The following CADPS2 variants were observed in gnomAD, a reference collection of about 807,000 sequenced individuals.
CADPS2 encodes the protein calcium dependent secretion activator 2.
A neutral mutation model predicts 172.5 loss-of-function variants in CADPS2; 93 were observed. That is an observed-to-expected ratio of 0.54 (90% CI 0.46 to 0.64). The LOEUF is 0.64. Ranked by LOEUF, CADPS2 falls within the 30% of genes least tolerant of loss-of-function variation. The pLI is 0.00. For missense variants in CADPS2, 1,420 were observed against 1,565.9 expected (o/e 0.91, Z 1.57); for synonymous variants, 546 against 555.2 (o/e 0.98, Z 0.23).
At chr7:122,416,739 G>T (rs1035617155) in intron 17 of CADPS2, among the ~76,000 whole-genome samples, 1 of 152,174 alleles carries the variant, frequency 6.6e-6, no homozygotes, top group East Asian at 1.9e-4. Context: ...AGGGGGTTGT[G>T]GGGGAGGAAG....
chr7:122,375,673 T>C (rs1021162082), intron 25 of CADPS2, among the ~76,000 whole-genome samples: 7 of 151,854 alleles, frequency 4.6e-5, no homozygotes, highest in Non-Finnish European at 7.4e-5. Flanking sequence ...GAATAAAACA[T>C]AGGGAAAAAG....
intron 17 of CADPS2, among the ~76,000 whole-genome samples, chr7:122,417,806 A>G (rs992465250): frequency 2.0e-5 from 3 of 152,318 alleles, no homozygotes; most frequent in African/African-American, 7.2e-5. Context: ...AGCCTGAAAC[A>G]TGGTCTTAGA....
intron 25 of CADPS2, among the ~76,000 whole-genome samples, chr7:122,366,610 TAC>T (rs200926726): frequency 0.065 from 8,247 of 126,034 alleles, 502 homozygotes; most frequent in African/African-American, 0.16. Flanking sequence ...ATCTCAAAAA[TAC>T]ACACACACAC....
intron 29 of CADPS2, among the ~76,000 whole-genome samples, chr7:122,323,259 G>A (rs1393447687): frequency 6.6e-6 from 1 of 152,022 alleles, no homozygotes; most frequent in Non-Finnish European, 1.5e-5. Context: ...GAACACATTG[G>A]CTAAGCCTGG....
intron 8 of CADPS2, among the ~76,000 whole-genome samples, chr7:122,542,072 G>A (rs919422240): frequency 3.3e-5 from 5 of 151,704 alleles, no homozygotes; most frequent in Non-Finnish European, 5.9e-5. Context: ...CAACGTGCCA[G>A]GCAATGTTTT....
intron 1 of CADPS2, among the ~76,000 whole-genome samples, chr7:122,748,933 C>A (rs774208838): frequency 2.0e-5 from 3 of 152,022 alleles, no homozygotes; most frequent in Non-Finnish European, 4.4e-5. Flanking sequence ...AAGAGAATTC[C>A]AGAGTTAGTT....
At chr7:122,332,048 G>A (rs1348237176) in intron 28 of CADPS2, 1 of 152,200 alleles carries the variant, frequency 6.6e-6, no homozygotes, top group Non-Finnish European at 1.5e-5. Flanking sequence ...TGCACAAATA[G>A]AGAAGGTACC....
At chr7:122,351,703 T>G (rs1164047501) in intron 27 of CADPS2, among the ~76,000 whole-genome samples, 1 of 152,076 alleles carries the variant, frequency 6.6e-6, no homozygotes, top group Non-Finnish European at 1.5e-5. Context: ...GTTACTTGAG[T>G]ATAGTTGGTA....
At position 122,441,517 on chromosome 7, in the gene CADPS2, C is replaced by T; in HGVS notation, c.2347G>A (p.Glu783Lys). ...GALKATLSLLERVLMKDIATP... is the reference protein window; with the variant it reads ...GALKATLSLLKRVLMKDIATP... ...AAAGTAATGTTCAAACATACCCTTT[C>T]AAGTAATGAAAGTGTAGCTTTTAGA... The change falls in exon 16 of 30, where the codon GAA (glutamate) becomes AAA (lysine). Residue 783 changes from glutamate to lysine, a missense_variant. By Grantham distance (56) the Glu-to-Lys change is moderately conservative (BLOSUM62 1). Coordinates refer to ENST00000449022, the MANE Select transcript of CADPS2 (RefSeq NM_017954.11). The T allele has an allele frequency of 6.5e-7, 1 of 1,528,706 alleles. No individual in the cohort carries two copies. 94.7% of individuals were successfully genotyped at this position (1,528,706 alleles called of 1,614,324 possible).
chr7:122,724,083 C>T (rs888630982), intron 2 of CADPS2, among the ~76,000 whole-genome samples: 86 of 151,412 alleles, frequency 5.7e-4, no homozygotes, highest in Admixed American at 3.8e-3. Flanking sequence ...ATGTAAATGA[C>T]GAGTTGATGG....
intron 1 of CADPS2, among the ~76,000 whole-genome samples, chr7:122,790,974 G>C (rs964823225): frequency 6.6e-6 from 1 of 152,246 alleles, no homozygotes; most frequent in Non-Finnish European, 1.5e-5. Flanking sequence ...AAAGCAAAGG[G>C]ACAAATCATT....
chr7:122,730,768 C>T (rs190955583), intron 2 of CADPS2, among the ~76,000 whole-genome samples: 65 of 151,638 alleles, frequency 4.3e-4, no homozygotes, highest in Non-Finnish European at 8.1e-4. Context: ...ATTTTTAGAG[C>T]AGTTTTAGGA....
At chr7:122,320,558 G>A (rs1421530021) in intron 29 of CADPS2, among the ~76,000 whole-genome samples, 1 of 152,108 alleles carries the variant, frequency 6.6e-6, no homozygotes, top group Admixed American at 6.5e-5. Context: ...ACATCAAAAT[G>A]TTGTTACTAT....
chr7:122,395,257 G>T (rs1414129250), intron 20 of CADPS2, among the ~76,000 whole-genome samples: 1 of 152,186 alleles, frequency 6.6e-6, no homozygotes, highest in Non-Finnish European at 1.5e-5. Flanking sequence ...ACATAAATTG[G>T]TGTGGGAAGT....
At chr7:122,570,018 C>A (rs1347453716) in intron 7 of CADPS2, among the ~76,000 whole-genome samples, 4 of 150,316 alleles carry the variant, frequency 2.7e-5, no homozygotes, top group East Asian at 2.0e-4. Context: ...CAACAAAAGC[C>A]AAAATTGACA....
chr7:122,462,945 C>T (rs973142613), intron 14 of CADPS2, among the ~76,000 whole-genome samples: 8 of 151,962 alleles, frequency 5.3e-5, no homozygotes, highest in Non-Finnish European at 1.2e-4. Context: ...GAGATTTTGT[C>T]CCAACAAAAA....
intron 8 of CADPS2, among the ~76,000 whole-genome samples, chr7:122,538,423 A>G (rs1005029727): frequency 1.3e-5 from 2 of 150,552 alleles, no homozygotes; most frequent in Non-Finnish European, 3.0e-5. Context: ...AAAAAAGAAC[A>G]TTTACCTTAA....
chr7:122,795,042 A>C (rs763982033), intron 1 of CADPS2, among the ~76,000 whole-genome samples: 2 of 152,116 alleles, frequency 1.3e-5, no homozygotes, highest in African/African-American at 4.8e-5. Context: ...TAATAACCTC[A>C]CATCACAACT....
intron 1 of CADPS2, among the ~76,000 whole-genome samples, chr7:122,850,611 T>A (rs910022213): frequency 6.6e-6 from 1 of 152,234 alleles, no homozygotes; most frequent in Non-Finnish European, 1.5e-5. Flanking sequence ...AAACTCAAAC[T>A]CTTTCTTCCC....
Sources: gnomAD v4.1 joint callset for allele counts (sites outside exome capture counted in the v4.1 genomes callset) on GRCh38, gnomAD v4.1.1 for gene constraint, MANE v1.5 for transcripts, NCBI Gene and HGNC (gene_info 2026-07-23, HGNC 2026-07-21) for gene names.